Variants in CFI observed in about 807,000 individuals in gnomAD.
The protein encoded by CFI is complement factor I, also known as C3B/C4B inactivator.
CFI carries 66 observed loss-of-function variants against 78.8 expected under a neutral mutation model. That is an observed-to-expected ratio of 0.84 (90% CI 0.69 to 1.03). CFI has a LOEUF of 1.03. CFI is among the 50% of genes least tolerant of loss of function. CFI has a pLI of 0.00. For missense variants in CFI, 706 were observed against 704.5 expected, an observed-to-expected ratio of 1.00 and a Z score of -0.02; for synonymous variants, 250 against 232.6, an observed-to-expected ratio of 1.07 and a Z score of -0.68.
At chr4:109,799,951 T>C (rs1732550627) in intron 1 of CFI, among the ~76,000 whole-genome samples, 1 of 152,202 alleles carries the variant, frequency 6.6e-6, no homozygotes, top group Non-Finnish European at 1.5e-5. Flanking sequence ...TGTTCCTGCA[T>C]TCAACATTTT....
At chr4:109,756,963 AAGAAAGAAAG>A (rs1726364774) in intron 7 of CFI, among the ~76,000 whole-genome samples, 8 of 137,506 alleles carry the variant, frequency 5.8e-5, no homozygotes, top group African/African-American at 1.3e-4. Context: ...GAAAGAAAGA[AAGAAAGAAAG>A]AAAGAAATTC....
intron 4 of CFI, 148 bp downstream of exon 4, chr4:109,761,368 AT>A (rs1727033918): frequency 1.3e-6 from 1 of 790,042 alleles, no homozygotes; most frequent in Non-Finnish European, 2.1e-6. Flanking sequence ...AAAGGTACCA[AT>A]TTAGACTCTA....
intron 1 of CFI, among the ~76,000 whole-genome samples, chr4:109,775,469 T>C (rs368003719): frequency 6.6e-6 from 1 of 152,220 alleles, no homozygotes; most frequent in East Asian, 1.9e-4. Flanking sequence ...CTGCCATTGC[T>C]GAGGCTTGAG....
intron 1 of CFI, among the ~76,000 whole-genome samples, chr4:109,791,829 T>G (rs1180399607): frequency 6.6e-6 from 1 of 152,238 alleles, no homozygotes; most frequent in Non-Finnish European, 1.5e-5. Flanking sequence ...CTTTGATAAC[T>G]GCTTTCGCTG....
chr4:109,778,044 T>C (rs1729502331), intron 1 of CFI, among the ~76,000 whole-genome samples: 1 of 152,004 alleles, frequency 6.6e-6, no homozygotes, highest in South Asian at 2.1e-4. Flanking sequence ...AGATCTAAAA[T>C]TGACACCCTA....
chr4:109,757,751 TA>T lies in CFI; in HGVS notation c.904+11del. 7.1e-7 allele frequency: 1 copy of T among 1,414,058 alleles called. No homozygotes were observed. Among genetic ancestry groups the T allele is most frequent in the South Asian group, 1.2e-5 (1 of 84,696 alleles). The allele number at this position is 1,414,058 out of a possible 1,614,324, so 87.6% of individuals were successfully genotyped here. On this transcript the variant is annotated intron_variant, in intron 7 of 12. Transcript: ENST00000394634. The stretch of plus-strand genomic sequence containing the variant: ...ATTTTTTAATATCCCCAAATTTTAA[TA>T]AAAATTTTACCTTGAGTCACAGATG...
chr4:109,750,243 C>G (rs2126192744), intron 8 of CFI, among the ~76,000 whole-genome samples: 1 of 152,066 alleles, frequency 6.6e-6, no homozygotes, highest in Admixed American at 6.6e-5. Context: ...GTGATCTGCC[C>G]ACCTCAGCCT....
intron 1 of CFI, among the ~76,000 whole-genome samples, chr4:109,780,913 C>T (rs190562668): frequency 1.5e-3 from 235 of 152,178 alleles, no homozygotes; most frequent in Middle Eastern, 0.014. Flanking sequence ...AACCAAACAC[C>T]GCATGTTCTC....
chr4:109,745,987 G>A (rs1175786229), intron 11 of CFI, among the ~76,000 whole-genome samples: 1 of 152,162 alleles, frequency 6.6e-6, no homozygotes, highest in Non-Finnish European at 1.5e-5. Context: ...AAATTATGAA[G>A]AATTTCATGC....
At chr4:109,774,630 CT>C (rs1728992614) in intron 1 of CFI, among the ~76,000 whole-genome samples, 2 of 152,190 alleles carry the variant, frequency 1.3e-5, no homozygotes, top group African/African-American at 4.8e-5. Flanking sequence ...GGCTTATACT[CT>C]GAATGAATCA....
intron 1 of CFI, among the ~76,000 whole-genome samples, chr4:109,779,248 C>T (rs773767701): frequency 1.3e-5 from 2 of 152,082 alleles, no homozygotes; most frequent in African/African-American, 2.4e-5. Context: ...CGTCTCAGCC[C>T]GAAATCTCCT....
intron 1 of CFI, among the ~76,000 whole-genome samples, chr4:109,788,036 T>C (rs1003391137): frequency 3.3e-5 from 5 of 152,064 alleles, no homozygotes; most frequent in Admixed American, 2.0e-4. Context: ...CCAGAGATCA[T>C]GAATGTATAC....
chr4:109,750,539 CTCTG>C (rs979671796), intron 8 of CFI, among the ~76,000 whole-genome samples: 8 of 151,994 alleles, frequency 5.3e-5, no homozygotes, highest in African/African-American at 1.7e-4. Flanking sequence ...TGTTTCCTTC[CTCTG>C]TCTGTGAGCA....
chr4:109,797,533 T>C (rs1732209292), intron 1 of CFI, among the ~76,000 whole-genome samples: 1 of 151,204 alleles, frequency 6.6e-6, no homozygotes, highest in South Asian at 2.1e-4. Flanking sequence ...ATCTTGACTA[T>C]GACGACAAAA....
At chr4:109,764,440 C>A in intron 3 of CFI, 97 bp downstream of exon 3, 1 of 1,332,410 alleles carries the variant, frequency 7.5e-7, no homozygotes, top group Non-Finnish European at 1.1e-6. Flanking sequence ...TCTTAGGTTA[C>A]ACATATGGAA....
At chr4:109,738,486 A>G (rs1235164400), downstream of CFI, among the ~76,000 whole-genome samples, 1 of 152,162 alleles carries the variant, frequency 6.6e-6, no homozygotes, top group Non-Finnish European at 1.5e-5. Context: ...AGTCAGGACA[A>G]GGTGGTTTTC....
intron 10 of CFI, among the ~76,000 whole-genome samples, chr4:109,747,495 G>A (rs7438961): frequency 0.54 from 82,404 of 152,002 alleles, 24,786 homozygotes; most frequent in Non-Finnish European, 0.68. Context: ...AGCAAATCAG[G>A]CATCTACCAT....
intron 2 of CFI, among the ~76,000 whole-genome samples, chr4:109,765,803 G>C (rs4404543): frequency 0.62 from 93,597 of 151,880 alleles, 30,581 homozygotes; most frequent in Non-Finnish European, 0.74. Context: ...GAGAGGGTTG[G>C]GGGGGACGGC....
At chr4:109,792,863 A>G (rs1731557271) in intron 1 of CFI, among the ~76,000 whole-genome samples, 1 of 152,148 alleles carries the variant, frequency 6.6e-6, no homozygotes, top group Non-Finnish European at 1.5e-5. Flanking sequence ...ACCTAAAGGC[A>G]GCCTCTTTAG....
Sources: gnomAD v4.1 joint callset for allele counts (sites outside exome capture counted in the v4.1 genomes callset) on GRCh38, gnomAD v4.1.1 for gene constraint, MANE v1.5 for transcripts, NCBI Gene and HGNC (gene_info 2026-07-23, HGNC 2026-07-21) for gene names.